Variants in QRSL1 observed in about 807,000 individuals in gnomAD.
QRSL1 encodes the protein glutaminyl-tRNA amidotransferase subunit QRSL1, also known as glutamyl-tRNA(Gln) amidotransferase subunit A, mitochondrial.
In QRSL1, 54 loss-of-function variants were observed where a neutral mutation model predicts 61.6. The ratio of observed to expected loss-of-function variants is 0.88; its 90% CI spans 0.70 to 1.10. The LOEUF is 1.10. QRSL1 is among the 50% of genes least tolerant of loss of function. QRSL1 has a pLI of 0.00. For missense variants in QRSL1, 505 were observed against 622.6 expected (o/e 0.81, Z 2.01); for synonymous variants, 228 against 225.7 (o/e 1.01, Z -0.09).
At chr6:106,652,678 C>T in intron 7 of QRSL1, 96 bp downstream of exon 7, 2 of 1,574,052 alleles carry the variant, frequency 1.3e-6, no homozygotes, top group Non-Finnish European at 1.7e-6. Flanking sequence ...AATCTCTGCT[C>T]TGCCACTTTT....
intron 1 of QRSL1, among the ~76,000 whole-genome samples, chr6:106,635,508 A>T (rs1376139111): frequency 6.6e-6 from 1 of 151,218 alleles, no homozygotes. Context: ...ATGAGTACCC[A>T]TCACTGGAAC....
Position 106,640,334 on chromosome 6 carries a change from T to C in QRSL1, c.25-15T>C, listed in dbSNP as rs780976474. The C allele has an allele frequency of 6.3e-7, 1 of 1,599,740 alleles. No individual in the cohort carries two copies. The highest frequency in any genetic ancestry group is 1.7e-5 in the Admixed American group (1 of 58,260). On this transcript the variant is annotated splice_polypyrimidine_tract_variant and intron_variant, in intron 1 of 10. Transcript: ENST00000369046. ...GCAGACTCAGTAAAAGGTTTTTGAA[T>C]TGTATACACTATAGGTTTCTGCGGC...
At chr6:106,641,225 G>A (rs548598013) in intron 3 of QRSL1, among the ~76,000 whole-genome samples, 2 of 152,248 alleles carry the variant, frequency 1.3e-5, no homozygotes, top group South Asian at 4.2e-4. Flanking sequence ...TTGGGAGGCT[G>A]AGGTGGGAGA....
chr6:106,649,314 A>G (rs1483308705), intron 5 of QRSL1, 113 bp downstream of exon 5: 20 of 1,028,268 alleles, frequency 1.9e-5, no homozygotes, highest in Non-Finnish European at 2.7e-5. Flanking sequence ...CTAGTGAGCT[A>G]TATGTGCTCA....
At chr6:106,645,147 A>C (rs896404243) in intron 4 of QRSL1, among the ~76,000 whole-genome samples, 3 of 152,152 alleles carry the variant, frequency 2.0e-5, no homozygotes, top group African/African-American at 7.2e-5. Flanking sequence ...GAAATTATGT[A>C]GTAAGAGTCT....
At chr6:106,653,385 A>C (rs1289983452) in intron 7 of QRSL1, 1 of 152,154 alleles carries the variant, frequency 6.6e-6, no homozygotes, top group African/African-American at 2.4e-5. Context: ...TGCAAGTAGT[A>C]CCCCACCACC....
rs1447103013 is a variant in QRSL1 at position 106,668,344 on chromosome 6, ACTGT to A, written c.*2346_*2349del. The A allele has an allele frequency of 2.0e-5, 3 of 151,904 alleles. No individual in the cohort carries two copies. Among genetic ancestry groups the A allele is most frequent in the Admixed American group, 2.0e-4 (3 of 15,230 alleles). The allele number at this position is 151,904 out of a possible 1,614,324, so 9.4% of individuals were successfully genotyped here. On this transcript the variant is annotated 3_prime_UTR_variant, in exon 11 of 11. Coordinates refer to ENST00000369046, the MANE Select transcript of QRSL1 (RefSeq NM_018292.5). ...CTAGTAGGTCTCATTTTGCCAAGTC[ACTGT>A]CTGGGAATTTAAGTGGCAAATACTT... is the stretch of plus-strand genomic sequence containing the variant.
chr6:106,631,965 T>C (rs1238158377), intron 1 of QRSL1, among the ~76,000 whole-genome samples: 27 of 152,194 alleles, frequency 1.8e-4, no homozygotes, highest in Middle Eastern at 3.2e-3. Context: ...CCCCTACTAC[T>C]ACCCTTTCAG....
chr6:106,630,126 T>C (rs1332930386), intron 1 of QRSL1, among the ~76,000 whole-genome samples: 2 of 152,204 alleles, frequency 1.3e-5, no homozygotes, highest in Non-Finnish European at 2.9e-5. Flanking sequence ...TTTTGGCTTT[T>C]TTCAAAGAAT....
chr6:106,665,832 A>G lies in QRSL1; in HGVS notation c.1417A>G (p.Ile473Val), dbSNP rs1316532610. Residue 473 changes from isoleucine (I) to valine (V), a missense_variant, in exon 11 of 11, where the codon ATA becomes GTA. Physicochemically the swap from Ile to Val is conservative, Grantham distance 29. Transcript: ENST00000369046. ...PVALSNQGLP[I>V]GLQFIGRAFC... ...TGCACTCTCAAACCAAGGGTTGCCA[A>G]TAGGACTGCAGTTTATTGGACGTGC... is the stretch of plus-strand genomic sequence containing the variant. The G allele has an allele frequency of 6.2e-6, 10 of 1,613,948 alleles. No homozygotes were observed. Among genetic ancestry groups the G allele is most frequent in the Non-Finnish European group, 8.5e-6 (10 of 1,179,864 alleles).
intron 10 of QRSL1, among the ~76,000 whole-genome samples, 199 bp downstream of exon 10, chr6:106,663,384 A>G (rs1159080244): frequency 6.6e-6 from 1 of 152,204 alleles, no homozygotes; most frequent in Admixed American, 6.5e-5. Flanking sequence ...GGATAATTTA[A>G]TTTAAAAAAG....
intron 1 of QRSL1, among the ~76,000 whole-genome samples, chr6:106,636,309 G>C (rs1776919040): frequency 6.6e-6 from 1 of 150,592 alleles, no homozygotes; most frequent in Non-Finnish European, 1.5e-5. Context: ...TTGAATCCCA[G>C]CTCTGCTACT....
intron 9 of QRSL1, among the ~76,000 whole-genome samples, chr6:106,657,570 G>A (rs116905533): frequency 0.018 from 2,717 of 152,280 alleles, 48 homozygotes; most frequent in Non-Finnish European, 0.029. Context: ...ATAAAAGGAA[G>A]TTAAAATTAC....
chr6:106,652,070 G>C, intron 5 of QRSL1, 139 bp from the exon 6 acceptor site: 1 of 845,766 alleles, frequency 1.2e-6, no homozygotes, highest in Non-Finnish European at 1.8e-6. Flanking sequence ...TGTACTTTAT[G>C]AATTCTCTGA....
chr6:106,642,340 G>A, intron 3 of QRSL1: 1 of 332,692 alleles, frequency 3.0e-6, no homozygotes, highest in Non-Finnish European at 5.7e-6. Context: ...ACAGGCGTGA[G>A]CCACCCCGCC....
At chr6:106,642,344 C>T (rs536918862) in intron 3 of QRSL1, 276 of 345,524 alleles carry the variant, frequency 8.0e-4, no homozygotes, top group Non-Finnish European at 1.1e-3. Flanking sequence ...GCGTGAGCCA[C>T]CCCGCCCCGC....
chr6:106,632,047 G>A (rs1328974277), intron 1 of QRSL1, among the ~76,000 whole-genome samples: 1 of 152,128 alleles, frequency 6.6e-6, no homozygotes, highest in Non-Finnish European at 1.5e-5. Flanking sequence ...CCACAAATAG[G>A]TGAGAACATG....
intron 1 of QRSL1, among the ~76,000 whole-genome samples, chr6:106,636,076 G>A (rs565092886): frequency 6.6e-6 from 1 of 152,264 alleles, no homozygotes; most frequent in South Asian, 2.1e-4. Flanking sequence ...GATTTTCAAA[G>A]GGTGTGTTCA....
Position 106,630,707 on chromosome 6 carries a change from TAAG to T in QRSL1, c.24+1006_24+1008del, listed in dbSNP as rs369777405. Among the ~76,000 whole-genome samples, 96 of 152,304 alleles carry T rather than the reference TAAG, an allele frequency of 6.3e-4. 2 individuals carry two copies. Among genetic ancestry groups the T allele is most frequent in the African/African-American group, 2.2e-3 (90 of 41,570 alleles). Reference sequence around the variant, plus strand: ...AATGGAGGCTCCAGGTGATTTCTGGTAAGAAGTAGGCGCTGATGACCTAAACTG... The same window carrying T: ...AATGGAGGCTCCAGGTGATTTCTGGTAAGTAGGCGCTGATGACCTAAACTG... On this transcript the variant is annotated intron_variant, in intron 1 of 10. Coordinates refer to ENST00000369046, the MANE Select transcript of QRSL1 (RefSeq NM_018292.5).
Sources: allele counts gnomAD v4.1 joint callset (sites outside exome capture counted in the v4.1 genomes callset), GRCh38; gene constraint gnomAD v4.1.1; transcripts MANE v1.5; gene names NCBI Gene and HGNC (gene_info 2026-07-23, HGNC 2026-07-21).